Variants in FAM221B observed in about 807,000 individuals in gnomAD.
FAM221B encodes the protein family with sequence similarity 221 member B, also known as protein FAM221B.
Under a neutral mutation model 39.8 loss-of-function variants are expected in FAM221B, and 35 were observed. That is an observed-to-expected ratio of 0.88 (90% CI 0.67 to 1.17). The LOEUF is 1.17. FAM221B is among the 50% of genes most tolerant of loss of function. FAM221B has a pLI of 0.00. For synonymous variants in FAM221B, 158 were observed against 178.1 expected (o/e 0.89, Z 0.90); for missense variants, 479 against 503.1 (o/e 0.95, Z 0.46).
chr9:35,827,096 C>CTGTAATCTT (rs1410436614), intron 1 of FAM221B: 1 of 152,274 alleles, frequency 6.6e-6, no homozygotes, highest in Non-Finnish European at 1.5e-5. Flanking sequence ...AGTGAGCCAC[C>CTGTAATCTT]GTGCTTGGCC....
rs1829537877 is a variant in FAM221B, at chr9:35,828,687, T to A, written c.-225A>T. On this transcript the variant is annotated 5_prime_UTR_variant, in exon 1 of 7. Transcript: ENST00000423537. This position sits in a 1 kb window ranked among gnomAD's most constrained non-coding sequence, Gnocchi z 4.5. ...GGAGCTCTGGCATGACCTGGGGAAGTGGGTAGGGACAAGGGGTCTAGGGCC... is the reference window on the plus strand; with the variant it reads ...GGAGCTCTGGCATGACCTGGGGAAGAGGGTAGGGACAAGGGGTCTAGGGCC... 1 of 985,070 alleles carries A rather than the reference T, an allele frequency of 1.0e-6. No individual in the cohort carries two copies. Among genetic ancestry groups the A allele is most frequent in the African/African-American group, 1.8e-5 (1 of 57,086 alleles). The allele number at this position is 985,070 out of a possible 1,614,324, so 61.0% of individuals were successfully genotyped here.
intron 1 of FAM221B, 46 bp from the exon 2 acceptor site, chr9:35,826,207 G>T: frequency 6.8e-7 from 1 of 1,465,158 alleles, no homozygotes; most frequent in Non-Finnish European, 9.2e-7. Flanking sequence ...GGAAATAGAG[G>T]GCCGGCAAGT....
chr9:35,823,626 G>A (rs1278774928), intron 3 of FAM221B, among the ~76,000 whole-genome samples: 1 of 152,012 alleles, frequency 6.6e-6, no homozygotes, highest in African/African-American at 2.4e-5. Flanking sequence ...TGAGGAGTAG[G>A]GAGTAGACAG....
At chr9:35,820,412 T>C (rs762175165) in intron 3 of FAM221B, among the ~76,000 whole-genome samples, 32 of 152,162 alleles carry the variant, frequency 2.1e-4, no homozygotes, top group Non-Finnish European at 4.6e-4. Flanking sequence ...TCTTGAAGTG[T>C]CTAAGGTGAG....
rs374751426 is a variant in FAM221B, at chr9:35,823,386, G to A, written c.742+1844C>T. 2.0e-5 allele frequency among the ~76,000 whole-genome samples: 3 copies of A among 152,154 alleles called. No individual in the cohort carries two copies. The East Asian group carries it at 5.8e-4, about 29-fold the overall frequency. On this transcript the variant is annotated intron_variant, in intron 3 of 6. Coordinates refer to ENST00000423537, the MANE Select transcript of FAM221B (RefSeq NM_001012446.4). ...GCTCAATGCCTGGCACATAGTTGGT[G>A]CTCAATAAATGTTTGTCGAATGAAT...
At chr9:35,821,975 C>T (rs1829161490) in intron 3 of FAM221B, among the ~76,000 whole-genome samples, 1 of 152,154 alleles carries the variant, frequency 6.6e-6, no homozygotes, top group Admixed American at 6.5e-5. Context: ...TAACACAGTC[C>T]AGTTCCACAA....
Position 35,825,547 on chromosome 9 carries a change from C to T in FAM221B, c.598+17G>A. On this transcript the variant is annotated intron_variant, in intron 2 of 6. Coordinates refer to ENST00000423537, the MANE Select transcript of FAM221B (RefSeq NM_001012446.4). This position sits in a 1 kb window ranked among gnomAD's most constrained non-coding sequence, Gnocchi z 4.2. ...AGGTACAATTACAGCTAACTCCTTT[C>T]TTCTTCTTCTTCTTGCCTAGTTGGT... 1 of 1,274,976 alleles carries T rather than the reference C, an allele frequency of 7.8e-7. No individual in the cohort carries two copies. Among genetic ancestry groups the T allele is most frequent in the Non-Finnish European group, 1.1e-6 (1 of 928,256 alleles). The allele number at this position is 1,274,976 out of a possible 1,614,324, so 79.0% of individuals were successfully genotyped here. A position where few individuals can be genotyped will look rare whatever the true frequency, so the allele number is the denominator to read the frequency against.
chr9:35,824,904 A>C (rs1043774083), intron 3 of FAM221B, among the ~76,000 whole-genome samples: 2 of 152,020 alleles, frequency 1.3e-5, no homozygotes, highest in African/African-American at 4.8e-5. Flanking sequence ...GACAGTCTCG[A>C]TCTCCTGACC....
rs1829035983 is a variant in FAM221B at position 35,816,939 on chromosome 9, A to C, written c.*1530T>G. On this transcript the variant is annotated 3_prime_UTR_variant, in exon 7 of 7. Transcript: ENST00000423537. ...TGCCTCTGGGACACTGGGAGACCCT[A>C]GAGTTGCCCTGGAGAAGGGCGAGAG... 2 of 152,208 alleles carry C rather than the reference A, an allele frequency of 1.3e-5. No homozygotes were observed. The highest frequency in any genetic ancestry group is 2.9e-5 in the Non-Finnish European group (2 of 68,026). 9.4% of individuals were successfully genotyped at this position (152,208 alleles called of 1,614,324 possible). A position where few individuals can be genotyped will look rare whatever the true frequency, so the allele number is the denominator to read the frequency against.
intron 3 of FAM221B, chr9:35,821,323 G>T: frequency 1.5e-6 from 1 of 688,118 alleles, no homozygotes; most frequent in South Asian, 1.7e-5. Flanking sequence ...CAGTATTCAG[G>T]CATAACCCTG....
At chr9:35,822,096 C>T (rs1253015909) in intron 3 of FAM221B, among the ~76,000 whole-genome samples, 2 of 152,206 alleles carry the variant, frequency 1.3e-5, no homozygotes, top group Non-Finnish European at 2.9e-5. Context: ...CTCTCCTGAG[C>T]TTCAGACCCA....
intron 4 of FAM221B, among the ~76,000 whole-genome samples, chr9:35,819,667 G>GTATT (rs1829100497): frequency 6.6e-6 from 1 of 152,044 alleles, no homozygotes; most frequent in Non-Finnish European, 1.5e-5. Context: ...TAAATTTTTT[G>GTATT]TATTTATTTA....
intron 4 of FAM221B, 82 bp from the exon 5 acceptor site, chr9:35,819,476 C>T: frequency 7.9e-7 from 1 of 1,272,482 alleles, no homozygotes; most frequent in African/African-American, 1.5e-5. Context: ...ATCCCCACCA[C>T]CCCCTATGCA....
intron 3 of FAM221B, 44 bp from the exon 4 acceptor site, chr9:35,820,044 C>G: frequency 6.8e-7 from 1 of 1,467,504 alleles, no homozygotes; most frequent in Non-Finnish European, 9.5e-7. Flanking sequence ...AAATTCTAAG[C>G]TCCCCCGAAG....
At chr9:35,820,443 C>T (rs2132139649) in intron 3 of FAM221B, among the ~76,000 whole-genome samples, 1 of 152,282 alleles carries the variant, frequency 6.6e-6, no homozygotes, top group Middle Eastern at 3.4e-3. Flanking sequence ...GATGATTGGC[C>T]AGATGTACAG....
At chr9:35,826,311 G>C (rs1453477587) in intron 1 of FAM221B, 150 bp from the exon 2 acceptor site, 1 of 652,218 alleles carries the variant, frequency 1.5e-6, no homozygotes, top group Non-Finnish European at 2.6e-6. Context: ...TGAACTCTGG[G>C]TCCTAGAGTG....
At chr9:35,824,932 C>T (rs566966364) in intron 3 of FAM221B, among the ~76,000 whole-genome samples, 19 of 152,288 alleles carry the variant, frequency 1.2e-4, no homozygotes, top group Non-Finnish European at 1.2e-4. Context: ...CCGCCCATCT[C>T]GGCCTCCCAA....
At chr9:35,818,575 C>A in intron 6 of FAM221B, 69 bp from the exon 7 acceptor site, 3 of 1,471,346 alleles carry the variant, frequency 2.0e-6, no homozygotes, top group Non-Finnish European at 2.8e-6. Context: ...GGCTGGAGAC[C>A]GTGTGAACCA....
At chr9:35,820,667 A>C (rs1315455238) in intron 3 of FAM221B, among the ~76,000 whole-genome samples, 1 of 152,124 alleles carries the variant, frequency 6.6e-6, no homozygotes, top group African/African-American at 2.4e-5. Flanking sequence ...GGGTCAGGAG[A>C]AAGGGGTAGG....
Sources: gnomAD v4.1 joint callset for allele counts (sites outside exome capture counted in the v4.1 genomes callset) on GRCh38, gnomAD v4.1.1 for gene constraint, Gnocchi (gnomAD v3.1) non-coding constraint, MANE v1.5 for transcripts, NCBI Gene and HGNC (gene_info 2026-07-23, HGNC 2026-07-21) for gene names.